The following SPIDR variants were observed in gnomAD, a reference collection of about 807,000 sequenced individuals.
The protein encoded by SPIDR is scaffold protein involved in DNA repair.
A neutral mutation model predicts 104.6 loss-of-function variants in SPIDR; 93 were observed. The observed-to-expected ratio is 0.89, with a 90% CI of 0.75 to 1.06. SPIDR has a LOEUF of 1.06. Ranked by LOEUF, SPIDR falls within the 50% of genes least tolerant of loss-of-function variation. The probability of loss-of-function intolerance (pLI) is 0.00; values close to 1 mark genes in which losing one functional copy is unlikely to be tolerated. For synonymous variants in SPIDR, 431 were observed against 416.9 expected (o/e 1.03, Z -0.41); for missense variants, 1,154 against 1,111.2 (o/e 1.04, Z -0.55).
intron 7 of SPIDR, among the ~76,000 whole-genome samples, chr8:47,431,195 C>T (rs2067305284): frequency 6.6e-6 from 1 of 152,164 alleles, no homozygotes. Context: ...CGTGTGTGTG[C>T]ATGGAAAGAA....
chr8:47,278,687 A>AACC (rs2037098292), intron 1 of SPIDR, among the ~76,000 whole-genome samples: 1 of 151,836 alleles, frequency 6.6e-6, no homozygotes, highest in African/African-American at 2.4e-5. Flanking sequence ...GGCTCATTGC[A>AACC]ACCTTTGCCT....
chr8:47,648,759 C>T (rs547868173), intron 10 of SPIDR, among the ~76,000 whole-genome samples: 36 of 152,156 alleles, frequency 2.4e-4, no homozygotes, highest in African/African-American at 7.2e-4. Flanking sequence ...AAAAGGACAC[C>T]GAAGCTAGCT....
At chr8:47,261,450 G>A (rs980137843) in intron 1 of SPIDR, among the ~76,000 whole-genome samples, 1 of 152,204 alleles carries the variant, frequency 6.6e-6, no homozygotes, top group African/African-American at 2.4e-5. Flanking sequence ...CCAATCCGTG[G>A]GCACCGCGCT....
intron 8 of SPIDR, among the ~76,000 whole-genome samples, chr8:47,482,795 C>T (rs1387962608): frequency 2.0e-5 from 3 of 152,152 alleles, no homozygotes; most frequent in Non-Finnish European, 4.4e-5. Flanking sequence ...GCCCCCTCCC[C>T]ACCTGAGTCC....
intron 5 of SPIDR, among the ~76,000 whole-genome samples, chr8:47,352,137 C>T (rs1289683258): frequency 1.3e-5 from 2 of 151,850 alleles, no homozygotes; most frequent in Non-Finnish European, 1.5e-5. Context: ...ATTATCCGGG[C>T]GTGATGGTGC....
chr8:47,587,609 C>CA (rs36084278), intron 8 of SPIDR, among the ~76,000 whole-genome samples: 1,663 of 58,512 alleles, frequency 0.028, 28 homozygotes, highest in East Asian at 0.097. Context: ...GACCCTGCCT[C>CA]AAAAAAAAAA....
chr8:47,397,136 C>A (rs2061333089), intron 6 of SPIDR, among the ~76,000 whole-genome samples: 1 of 152,034 alleles, frequency 6.6e-6, no homozygotes, highest in African/African-American at 2.4e-5. Flanking sequence ...GGACCTTCCC[C>A]AACCCCGTGT....
intron 8 of SPIDR, chr8:47,547,094 A>C (rs368619202): frequency 7.2e-6 from 4 of 555,710 alleles, no homozygotes; most frequent in East Asian, 4.4e-5. Context: ...TGATCTTGCC[A>C]GTTTCCAAAT....
At chr8:47,603,913 T>A (rs1297105224) in intron 10 of SPIDR, among the ~76,000 whole-genome samples, 1 of 152,194 alleles carries the variant, frequency 6.6e-6, no homozygotes, top group Non-Finnish European at 1.5e-5. Flanking sequence ...CTCTTTTTGG[T>A]CTTTTGGCCT....
At chr8:47,261,163 G>C (rs2154208080) in intron 1 of SPIDR, among the ~76,000 whole-genome samples, 172 bp downstream of exon 1, 1 of 152,284 alleles carries the variant, frequency 6.6e-6, no homozygotes, top group East Asian at 1.9e-4. Flanking sequence ...CCGCGCAGTG[G>C]GGTACCGCCC....
intron 8 of SPIDR, among the ~76,000 whole-genome samples, chr8:47,492,293 T>G (rs967788825): frequency 6.6e-6 from 1 of 152,116 alleles, no homozygotes; most frequent in African/African-American, 2.4e-5. Context: ...CATAATTTTA[T>G]TCTTCCCAAG....
Position 47,598,893 on chromosome 8 carries a change from C to T in SPIDR, c.1294-53C>T, listed in dbSNP as rs572841422. The T allele has an allele frequency of 2.0e-5, 32 of 1,605,090 alleles. 1 individual carries two copies. Among genetic ancestry groups the T allele is most frequent in the African/African-American group, 1.5e-4 (11 of 74,794 alleles). On this transcript the variant is annotated intron_variant, in intron 9 of 19. Transcript: ENST00000297423. ...GTGCAGCATGTTGCTTGTTGTTAGC[C>T]GAACTGAAACTTTGTGAGTCTTGAA...
At chr8:47,549,301 G>A (rs758621908) in intron 8 of SPIDR, among the ~76,000 whole-genome samples, 2 of 152,060 alleles carry the variant, frequency 1.3e-5, no homozygotes, top group Non-Finnish European at 2.9e-5. Context: ...GGGCTCGTTG[G>A]GTCAAATGGT....
At chr8:47,470,017 A>G (rs1257674779) in intron 8 of SPIDR, among the ~76,000 whole-genome samples, 2 of 152,230 alleles carry the variant, frequency 1.3e-5, no homozygotes, top group East Asian at 3.9e-4. Context: ...TGCAATCCCT[A>G]TCAAAATTCC....
At chr8:47,683,149 T>C (rs1319737733) in intron 11 of SPIDR, among the ~76,000 whole-genome samples, 1 of 152,228 alleles carries the variant, frequency 6.6e-6, no homozygotes, top group African/African-American at 2.4e-5. Context: ...CTACTGAAGC[T>C]AAAACTATTT....
intron 5 of SPIDR, among the ~76,000 whole-genome samples, chr8:47,331,702 C>T (rs1011416317): frequency 6.6e-6 from 1 of 152,122 alleles, no homozygotes; most frequent in Admixed American, 6.5e-5. Context: ...TAAAAATTTT[C>T]TTTCTTCAAT....
At chr8:47,444,036 AT>A (rs2070035668) in intron 8 of SPIDR, among the ~76,000 whole-genome samples, 1 of 152,230 alleles carries the variant, frequency 6.6e-6, no homozygotes, top group Non-Finnish European at 1.5e-5. Context: ...TTACAAAAAA[AT>A]GCATTAATCT....
chr8:47,502,524 T>C (rs753610669), intron 8 of SPIDR, among the ~76,000 whole-genome samples: 2 of 152,184 alleles, frequency 1.3e-5, no homozygotes, highest in South Asian at 2.1e-4. Context: ...ATTTGATTCT[T>C]CTCTCTTTTC....
At chr8:47,729,525 A>G in intron 19 of SPIDR, 60 bp downstream of exon 19, 3 of 1,541,850 alleles carry the variant, frequency 1.9e-6, no homozygotes, top group Non-Finnish European at 8.7e-7. Flanking sequence ...TGAGCAACTC[A>G]TCCCCAGAGG....
Sources: gnomAD v4.1 joint callset for allele counts (sites outside exome capture counted in the v4.1 genomes callset) on GRCh38, gnomAD v4.1.1 for gene constraint, MANE v1.5 for transcripts, NCBI Gene and HGNC (gene_info 2026-07-23, HGNC 2026-07-21) for gene names.